The following NAMPT variants were observed in gnomAD, a reference collection of about 807,000 sequenced individuals.
NAMPT encodes NAmPRTase.
In NAMPT, 7 loss-of-function variants were observed where a neutral mutation model predicts 58.7. The ratio of observed to expected loss-of-function variants is 0.12; its 90% CI spans 0.07 to 0.22. The LOEUF (loss-of-function observed/expected upper bound fraction) is 0.22, where lower values mean the gene tolerates loss of function less well. Ranked by LOEUF, NAMPT falls within the 10% of genes least tolerant of loss-of-function variation. The pLI, the probability that NAMPT is intolerant of heterozygous loss-of-function variation, is 1.00. For synonymous variants in NAMPT, 145 were observed against 198.1 expected (o/e 0.73, Z 2.25); for missense variants, 271 against 567.9 (o/e 0.48, Z 5.31).
chr7:106,280,504 C>T (rs1300244971), intron 1 of NAMPT, among the ~76,000 whole-genome samples: 4 of 152,140 alleles, frequency 2.6e-5, no homozygotes, highest in Non-Finnish European at 4.4e-5. Context: ...AATGGTTCTA[C>T]AATAAATACA....
chr7:106,261,238 T>C (rs890404408), intron 8 of NAMPT, among the ~76,000 whole-genome samples: 2 of 152,212 alleles, frequency 1.3e-5, no homozygotes, highest in Non-Finnish European at 2.9e-5. Context: ...TTTTACAGAT[T>C]TGTGAAGCTC....
rs546942751 is a variant in NAMPT, at chr7:106,284,815, C to T, written c.57+13G>A. ...CCCCGCTCCTCCTCATCTGCCCGGG[C>T]CCCGAGCTTTACCTTGTAGGAGTCG... On this transcript the variant is annotated intron_variant, in intron 1 of 10. Coordinates refer to ENST00000222553, the MANE Select transcript of NAMPT (RefSeq NM_005746.3). The T allele has an allele frequency of 2.4e-4, 369 of 1,511,212 alleles. 2 individuals carry two copies. In the South Asian group the frequency reaches 4.3e-3, roughly 18 times the overall value. 93.6% of individuals were successfully genotyped at this position (1,511,212 alleles called of 1,614,324 possible).
intron 8 of NAMPT, among the ~76,000 whole-genome samples, chr7:106,257,615 C>T (rs937147801): frequency 9.0e-5 from 13 of 144,316 alleles, no homozygotes; most frequent in African/African-American, 3.2e-4. Flanking sequence ...GGGTGACAGA[C>T]TGAGTCCCTG....
chr7:106,279,502 G>A (rs1031900761), intron 1 of NAMPT, among the ~76,000 whole-genome samples: 3 of 152,148 alleles, frequency 2.0e-5, no homozygotes, highest in Admixed American at 1.3e-4. Flanking sequence ...TTCTAACAAT[G>A]TAGTCAAAAG....
At chr7:106,272,263 T>C (rs1792550228) in intron 4 of NAMPT, 3 of 286,842 alleles carry the variant, frequency 1.0e-5, no homozygotes, top group Non-Finnish European at 2.1e-5. Flanking sequence ...AAAATGGCAA[T>C]GAATTAGATG....
Position 106,250,007 on chromosome 7 carries a change from G to A in NAMPT, c.*1076C>T, listed in dbSNP as rs1397065233. Reference sequence around the variant, plus strand: ...AGAATGTGCTTCAGTATTACTTATTGAGGGCATTCAGTTTAAAATTAATAA... The same window carrying A: ...AGAATGTGCTTCAGTATTACTTATTAAGGGCATTCAGTTTAAAATTAATAA... On this transcript the variant is annotated 3_prime_UTR_variant, in exon 11 of 11. Transcript: ENST00000222553. 1 of 151,932 alleles carries A rather than the reference G, an allele frequency of 6.6e-6. No individual in the cohort carries two copies. The highest frequency in any genetic ancestry group is 1.9e-4 in the East Asian group (1 of 5,194). The allele number at this position is 151,932 out of a possible 1,614,324, so 9.4% of individuals were successfully genotyped here. A position where few individuals can be genotyped will look rare whatever the true frequency, so the allele number is the denominator to read the frequency against.
intron 1 of NAMPT, among the ~76,000 whole-genome samples, chr7:106,280,227 G>C (rs540506003): frequency 6.6e-6 from 1 of 152,270 alleles, no homozygotes; most frequent in South Asian, 2.1e-4. Flanking sequence ...TGGAGGTAAA[G>C]GGGAACTACG....
intron 1 of NAMPT, among the ~76,000 whole-genome samples, chr7:106,283,658 G>A (rs1458227264): frequency 6.6e-6 from 1 of 152,062 alleles, no homozygotes; most frequent in Non-Finnish European, 1.5e-5. Context: ...GATAGTGTTC[G>A]GATTTTGCAA....
rs745823902 is a variant in NAMPT, at chr7:106,263,379, T to C, written c.969+13A>G. Reference sequence around the variant, plus strand: ...GAGGGATTCTAATAATAAAGTTACATATGAAAATTTACCTTTAACACAGTG... The same window carrying C: ...GAGGGATTCTAATAATAAAGTTACACATGAAAATTTACCTTTAACACAGTG... On this transcript the variant is annotated intron_variant, in intron 7 of 10. Transcript: ENST00000222553. The C allele has an allele frequency of 1.3e-5, 20 of 1,555,594 alleles. No homozygotes were observed. Among genetic ancestry groups the C allele is most frequent in the Non-Finnish European group, 1.8e-5 (20 of 1,127,878 alleles).
intron 10 of NAMPT, 129 bp from the exon 11 acceptor site, chr7:106,251,322 T>TTGA (rs1792100295): frequency 1.5e-6 from 1 of 647,696 alleles, no homozygotes; most frequent in African/African-American, 1.8e-5. Context: ...GTGAGATGAT[T>TTGA]TGATGCATAA....
intron 1 of NAMPT, among the ~76,000 whole-genome samples, chr7:106,280,797 C>T (rs549917255): frequency 4.0e-5 from 6 of 151,814 alleles, no homozygotes; most frequent in East Asian, 1.9e-4. Context: ...AAAAACTAGC[C>T]GGGCGTGGTG....
upstream of NAMPT, chr7:106,285,251 TC>T: frequency 1.1e-6 from 1 of 884,252 alleles, no homozygotes. Flanking sequence ...GCGCTCTTCC[TC>T]CCAGACGCCA....
At chr7:106,276,826 G>C (rs976276730) in intron 2 of NAMPT, 197 bp downstream of exon 2, 1 of 476,284 alleles carries the variant, frequency 2.1e-6, no homozygotes, top group Non-Finnish European at 3.8e-6. Context: ...TGGCCAACAA[G>C]AGCGAAACTC....
chr7:106,270,423 T>TGGC (rs1231965177), intron 4 of NAMPT: 73 of 237,132 alleles, frequency 3.1e-4, no homozygotes, highest in African/African-American at 1.6e-3. Flanking sequence ...ATAAAAAGAT[T>TGGC]AACCTTGAAC....
chr7:106,274,691 C>T (rs1792600086), intron 3 of NAMPT, among the ~76,000 whole-genome samples: 1 of 152,106 alleles, frequency 6.6e-6, no homozygotes, highest in Non-Finnish European at 1.5e-5. Flanking sequence ...CCCATCTCTA[C>T]TAAAAATACA....
intron 6 of NAMPT, among the ~76,000 whole-genome samples, chr7:106,264,362 A>T (rs1421012751): frequency 1.3e-5 from 2 of 152,088 alleles, no homozygotes; most frequent in African/African-American, 4.8e-5. Context: ...CCTTAATATC[A>T]GTTCTTACGG....
chr7:106,257,754 T>A (rs779827390), intron 8 of NAMPT, among the ~76,000 whole-genome samples: 80 of 152,254 alleles, frequency 5.3e-4, no homozygotes, highest in Non-Finnish European at 1.0e-3. Context: ...ACACCCAACT[T>A]GAACTCCGTT....
intron 1 of NAMPT, among the ~76,000 whole-genome samples, chr7:106,278,207 TG>T (rs1792689059): frequency 6.6e-6 from 1 of 151,650 alleles, no homozygotes; most frequent in Non-Finnish European, 1.5e-5. Flanking sequence ...CAGTAAAACT[TG>T]GCTCTATCCT....
At chr7:106,266,092 CCACCCACTATGTCAGCCGGAAGGT>C (rs1792402916) in intron 6 of NAMPT, among the ~76,000 whole-genome samples, 1 of 152,138 alleles carries the variant, frequency 6.6e-6, no homozygotes, top group African/African-American at 2.4e-5. Flanking sequence ...TTGCCCAAGG[CCACCCACTATGTCAGCCGGAAGGT>C]CACCCAGGTT....
Sources: gnomAD v4.1 joint callset for allele counts (sites outside exome capture counted in the v4.1 genomes callset) on GRCh38, gnomAD v4.1.1 for gene constraint, MANE v1.5 for transcripts, NCBI Gene and HGNC (gene_info 2026-07-23, HGNC 2026-07-21) for gene names.